MIEF1: variants seen among roughly 807,000 people sequenced by gnomAD.
MIEF1 encodes the protein mitochondrial dynamics protein MIEF1.
Under a neutral mutation model 35.1 loss-of-function variants are expected in MIEF1, and 14 were observed. That is an observed-to-expected ratio of 0.40 (90% confidence interval 0.26 to 0.62). MIEF1 has a LOEUF of 0.62. Among genes scored for constraint, MIEF1 ranks in the 20% least tolerant of loss-of-function variants. MIEF1 has a pLI of 0.43. For synonymous variants in MIEF1, 245 were observed against 254.3 expected (o/e 0.96, Z 0.35); for missense variants, 542 against 615.4 (o/e 0.88, Z 1.26).
chr22:39,514,263 C>T lies in MIEF1; in HGVS notation c.1332C>T (p.Asp444=), dbSNP rs2232094. The part of the protein sequence containing the change: ...LFAELTPEEI[D]ELGYTLYCSL... ...CAGAGCTCACCCCTGAAGAAATAGA[C>T]GAATTAGGATACACTCTGTATTGCT... The change falls in exon 6 of 6, where the codon GAC becomes GAT. Residue 444 remains aspartate (D), a synonymous_variant. Transcript: ENST00000325301. 3.5e-4 allele frequency: 561 copies of T among 1,614,162 alleles called. 1 individual carries two copies. In the African/African-American group the frequency reaches 6.2e-3, roughly 18 times the overall value.
chr22:39,506,594 TACTC>T (rs1437361142), intron 2 of MIEF1, among the ~76,000 whole-genome samples: 3 of 152,252 alleles, frequency 2.0e-5, no homozygotes, highest in Non-Finnish European at 4.4e-5. Context: ...GTCTCGTACA[TACTC>T]AAGCAAGATA....
chr22:39,515,570 A>G lies in MIEF1; in HGVS notation c.*1247A>G. 1.8e-6 allele frequency: 1 copy of G among 555,330 alleles called. No individual in the cohort carries two copies. The highest frequency in any genetic ancestry group is 3.2e-6 in the Non-Finnish European group (1 of 313,670). 34.4% of individuals were successfully genotyped at this position (555,330 alleles called of 1,614,324 possible). ...TCGGTGCTACCAAGGAAGAGAGCAC[A>G]CAGATAAGACAGAGGGGAGGAGGTG... On this transcript the variant is annotated 3_prime_UTR_variant, in exon 6 of 6. Coordinates refer to ENST00000325301, the MANE Select transcript of MIEF1 (RefSeq NM_019008.6).
intron 5 of MIEF1, among the ~76,000 whole-genome samples, chr22:39,512,978 T>C (rs1233310884): frequency 6.6e-6 from 1 of 152,252 alleles, no homozygotes; most frequent in Non-Finnish European, 1.5e-5. Flanking sequence ...TCGTTTCTCA[T>C]GTTTTAGTCC....
At chr22:39,511,752 AG>A (rs1457557205) in intron 3 of MIEF1, 96 bp from the exon 4 acceptor site, 9 of 1,442,370 alleles carry the variant, frequency 6.2e-6, no homozygotes, top group Non-Finnish European at 3.7e-6. Flanking sequence ...AATTACTAAA[AG>A]AACTTACTAG....
intron 2 of MIEF1, among the ~76,000 whole-genome samples, chr22:39,509,995 G>C (rs1930249896): frequency 6.6e-6 from 1 of 152,136 alleles, no homozygotes; most frequent in African/African-American, 2.4e-5. Context: ...TTTAGCTCTT[G>C]TTACCCAGGC....
Position 39,515,265 on chromosome 22 carries a change from G to A in MIEF1, c.*942G>A, listed in dbSNP as rs763858707. Reference sequence around the variant, plus strand: ...TGAAGGAACGCAGCCTTAGACATCAGGTGAGGATGATGGAGGTAGACAGTC... The same window carrying A: ...TGAAGGAACGCAGCCTTAGACATCAAGTGAGGATGATGGAGGTAGACAGTC... On this transcript the variant is annotated 3_prime_UTR_variant, in exon 6 of 6. Coordinates refer to ENST00000325301, the MANE Select transcript of MIEF1 (RefSeq NM_019008.6). 2 of 717,502 alleles carry A rather than the reference G, an allele frequency of 2.8e-6. No individual in the cohort carries two copies. Among genetic ancestry groups the A allele is most frequent in the South Asian group, 3.0e-5 (2 of 67,596 alleles). 44.4% of individuals were successfully genotyped at this position (717,502 alleles called of 1,614,324 possible).
upstream of MIEF1, among the ~76,000 whole-genome samples, chr22:39,501,447 A>G (rs1929694928): frequency 6.6e-6 from 1 of 152,192 alleles, no homozygotes; most frequent in African/African-American, 2.4e-5. Context: ...GCTGTCCCTA[A>G]GTGGTGGAAC....
At chr22:39,508,294 G>A (rs774363761) in intron 2 of MIEF1, among the ~76,000 whole-genome samples, 4 of 152,170 alleles carry the variant, frequency 2.6e-5, no homozygotes, top group Non-Finnish European at 4.4e-5. Flanking sequence ...CCCACGCTCT[G>A]TTCTGTCATC....
intron 2 of MIEF1, among the ~76,000 whole-genome samples, chr22:39,511,011 A>C (rs1930303418): frequency 6.6e-6 from 1 of 152,252 alleles, no homozygotes; most frequent in Admixed American, 6.5e-5. Context: ...ATTGTAATAC[A>C]AAAAAGGACT....
rs759278573 is a variant in MIEF1, at chr22:39,512,349, C to T, written c.440C>T (p.Ala147Val). 2 of 1,614,238 alleles carry T rather than the reference C, an allele frequency of 1.2e-6. No homozygotes were observed. The highest frequency in any genetic ancestry group is 1.3e-5 in the African/African-American group (1 of 75,076). The part of the protein sequence containing the change: ...EKLLTYYRNR[A>V]AIPAGEQARA... The stretch of plus-strand genomic sequence containing the variant: ...CTTCTTACTTACTACCGGAACCGGG[C>T]AGCCATCCCTGCTGGAGAGCAGGCT... The change falls in exon 5 of 6, where the codon GCA (alanine) becomes GTA (valine). Residue 147 changes from alanine to valine, a missense_variant. Transcript: ENST00000325301.
chr22:39,512,596 T>TA, intron 5 of MIEF1, 102 bp downstream of exon 5: 1 of 1,431,832 alleles, frequency 7.0e-7, no homozygotes, highest in Non-Finnish European at 9.4e-7. Flanking sequence ...ACTGAGGTCT[T>TA]ACAGCTTCCG....
rs1930387643 is a variant in MIEF1, at chr22:39,512,309, T to G, written c.400T>G (p.Ser134Ala). The G allele has an allele frequency of 1.2e-6, 2 of 1,614,108 alleles. No homozygotes were observed. The highest frequency in any genetic ancestry group is 1.7e-6 in the Non-Finnish European group (2 of 1,180,052). Reference sequence around the variant, plus strand: ...CTTGAAGAAGTCACGACTCCGCATGTCCCTGCAGGAGAAACTTCTTACTTA... The same window carrying G: ...CTTGAAGAAGTCACGACTCCGCATGGCCCTGCAGGAGAAACTTCTTACTTA... ...VDLKKSRLRM[S>A]LQEKLLTYYR... is the part of the protein sequence containing the mutation. Residue 134 changes from serine (S) to alanine (A), a missense_variant, in exon 5 of 6, where the codon TCC (serine) becomes GCC (alanine). Coordinates refer to ENST00000325301, the MANE Select transcript of MIEF1 (RefSeq NM_019008.6).
In MIEF1 at chr22:39,513,666, C is replaced by A; in HGVS notation, c.735C>A (p.Ser245Arg). ...ATCCAGAGTACTTTCCTCGTGGGAGCAGTTACTGGGACCGCTGTGTAGTAG... is the reference window on the plus strand; with the variant it reads ...ATCCAGAGTACTTTCCTCGTGGGAGAAGTTACTGGGACCGCTGTGTAGTAG... ...RENPEYFPRG[S>R]SYWDRCVVGG... The change falls in exon 6 of 6, where the codon AGC (serine) becomes AGA (arginine). Residue 245 changes from serine (S) to arginine (R), a missense_variant. Transcript: ENST00000325301. 6.2e-7 allele frequency: 1 copy of A among 1,614,114 alleles called. No homozygotes were observed. The highest frequency in any genetic ancestry group is 8.5e-7 in the Non-Finnish European group (1 of 1,180,008).
intron 3 of MIEF1, 111 bp downstream of exon 3, chr22:39,511,549 A>G: frequency 5.7e-6 from 8 of 1,412,520 alleles, no homozygotes; most frequent in Non-Finnish European, 7.5e-6. Context: ...GATCGCAATG[A>G]TAAGTGAAAA....
In MIEF1 at chr22:39,515,624, C is replaced by T. The variant is rs958956042; in HGVS notation, c.*1301C>T. The T allele has an allele frequency of 1.3e-5, 6 of 478,262 alleles. No individual in the cohort carries two copies. Among genetic ancestry groups the T allele is most frequent in the Admixed American group, 3.8e-5 (1 of 26,004 alleles). 29.6% of individuals were successfully genotyped at this position (478,262 alleles called of 1,614,324 possible). On this transcript the variant is annotated 3_prime_UTR_variant, in exon 6 of 6. Coordinates refer to ENST00000325301, the MANE Select transcript of MIEF1 (RefSeq NM_019008.6). ...ATTTCCTACATTCCTCCTTGTTTGCCGCTGCTGAGATTGCAGTATTTATTG... is the reference window on the plus strand; with the variant it reads ...ATTTCCTACATTCCTCCTTGTTTGCTGCTGCTGAGATTGCAGTATTTATTG...
rs1929812769 is a variant in MIEF1 at position 39,502,801 on chromosome 22, A to G, written c.-340+364A>G. Among the ~76,000 whole-genome samples the G allele has an allele frequency of 2.0e-5, 3 of 152,216 alleles. No individual in the cohort carries two copies. The South Asian group carries it at 6.2e-4, about 32-fold the overall frequency. On this transcript the variant is annotated intron_variant, in intron 1 of 5. Transcript: ENST00000325301. ...TGACAGTCGCCTTTTACAGCATCAA[A>G]CACTTCTGTTGATTTTCTGCATCGG...
intron 2 of MIEF1, among the ~76,000 whole-genome samples, chr22:39,505,266 C>A (rs538287381): frequency 3.9e-5 from 6 of 152,314 alleles, no homozygotes; most frequent in African/African-American, 1.4e-4. Flanking sequence ...CTCTCTGGAA[C>A]CTTGAATGCC....
chr22:39,505,046 T>G (rs970339616), intron 2 of MIEF1, among the ~76,000 whole-genome samples: 1 of 151,454 alleles, frequency 6.6e-6, no homozygotes, highest in Non-Finnish European at 1.5e-5. Flanking sequence ...TACAAAAAAT[T>G]AGGCGGGCAT....
intron 1 of MIEF1, chr22:39,503,454 T>C (rs1237653826): frequency 6.6e-6 from 1 of 152,246 alleles, no homozygotes; most frequent in East Asian, 1.9e-4. Context: ...AACAAAGCAC[T>C]TTACAGATAT....
Sources: allele counts gnomAD v4.1 joint callset (sites outside exome capture counted in the v4.1 genomes callset), GRCh38; gene constraint gnomAD v4.1.1; transcripts MANE v1.5; gene names NCBI Gene and HGNC (gene_info 2026-07-23, HGNC 2026-07-21).